The following SMC3 variants were observed in gnomAD, a reference collection of about 807,000 sequenced individuals.
SMC3 encodes structural maintenance of chromosomes protein 3.
In SMC3, 20 loss-of-function variants were observed where a neutral mutation model predicts 171.8. That is an observed-to-expected ratio of 0.12 (90% confidence interval 0.08 to 0.17). The LOEUF (loss-of-function observed/expected upper bound fraction) is 0.17. Among genes scored for constraint, SMC3 ranks in the 10% least tolerant of loss-of-function variants. The pLI is 1.00. For synonymous variants in SMC3, 464 were observed against 451.1 expected, an observed-to-expected ratio of 1.03 and a Z score of -0.36; for missense variants, 543 against 1,420.4, an observed-to-expected ratio of 0.38 and a Z score of 9.93.
In SMC3 at chr10:110,593,231, A is replaced by G. The variant is rs1861235838; in HGVS notation, c.1963+8A>G. 2 of 1,613,494 alleles carry G rather than the reference A, an allele frequency of 1.2e-6. No homozygotes were observed. Among genetic ancestry groups the G allele is most frequent in the Non-Finnish European group, 8.5e-7 (1 of 1,179,386 alleles). On this transcript the variant is annotated splice_region_variant and intron_variant, in intron 18 of 28. Transcript: ENST00000361804. ...ACTGTATTACTTTGGAAGGTTTGTA[A>G]TACTAATTCTTAGCTTTAAACAGAT...
chr10:110,605,782 A>C lies in SMC3; in HGVS notation c.*1480A>C, dbSNP rs1441662566. The stretch of plus-strand genomic sequence containing the variant: ...CATTTTTCTTACACATTTACCCAAG[A>C]ATTTTTCTCAAACAACTACCTAAGA... On this transcript the variant is annotated 3_prime_UTR_variant, in exon 29 of 29. Coordinates refer to ENST00000361804, the MANE Select transcript of SMC3 (RefSeq NM_005445.4). Among the ~76,000 whole-genome samples the C allele has an allele frequency of 1.3e-5, 2 of 152,152 alleles. No individual in the cohort carries two copies. The highest frequency in any genetic ancestry group is 2.9e-5 in the Non-Finnish European group (2 of 68,018).
intron 13 of SMC3, among the ~76,000 whole-genome samples, chr10:110,586,486 A>G (rs1454582415): frequency 6.6e-6 from 1 of 152,218 alleles, no homozygotes; most frequent in East Asian, 1.9e-4. Context: ...AACCAACCTC[A>G]GCAGATGCCC....
chr10:110,568,951 G>A lies in SMC3; in HGVS notation c.29G>A (p.Gly10Asp). 1 of 1,601,424 alleles carries A rather than the reference G, an allele frequency of 6.2e-7. No individual in the cohort carries two copies. Reference protein sequence around the residue: MYIKQVIIQGFRSYRDQTIV... With the variant: MYIKQVIIQDFRSYRDQTIV... ...TTTATTTACTAGGTGATTATCCAGG[G>A]TTTTCGAAGTTACAGAGATCAAACA... The change falls in exon 2 of 29, where the codon GGT becomes GAT. Residue 10 changes from glycine to aspartate, a missense_variant. This residue lies in a region of SMC3 where 146 missense variants were observed against 437.9 expected (regional missense o/e 0.33). Transcript: ENST00000361804.
At chr10:110,578,467 T>C (rs1432197375) in intron 6 of SMC3, among the ~76,000 whole-genome samples, 161 bp from the exon 7 acceptor site, 1 of 152,216 alleles carries the variant, frequency 6.6e-6, no homozygotes, top group African/African-American at 2.4e-5. Context: ...AGTCAACATA[T>C]AGAGGATAAA....
Position 110,598,242 on chromosome 10 carries a change from G to A in SMC3, c.2220G>A (p.Lys740=). ...GAGATAGCATATTATCAGAAATGAAGATGCTAAAAGAGAAGAGGCAGCAGT... is the reference window on the plus strand; with the variant it reads ...GAGATAGCATATTATCAGAAATGAAAATGCTAAAAGAGAAGAGGCAGCAGT... ...ASRDSILSEM[K]MLKEKRQQSE... The change falls in exon 20 of 29, where the codon AAG becomes AAA. Residue 740 remains lysine (K), a synonymous_variant. Transcript: ENST00000361804. 1 of 1,613,918 alleles carries A rather than the reference G, an allele frequency of 6.2e-7. No homozygotes were observed. Among genetic ancestry groups the A allele is most frequent in the Non-Finnish European group, 8.5e-7 (1 of 1,179,878 alleles).
In SMC3 at chr10:110,569,247, T is replaced by C. The variant is rs192765895; in HGVS notation, c.91+234T>C. ...TCCATTTTTTATCTAGGTAGCCTTG[T>C]ATGTGTGTGTAAGAGTGTTTTAAAG... On this transcript the variant is annotated intron_variant, in intron 2 of 28. Transcript: ENST00000361804. 4.1e-3 allele frequency among the ~76,000 whole-genome samples: 617 copies of C among 152,344 alleles called. 4 individuals carry two copies. Among genetic ancestry groups the C allele is most frequent in the South Asian group, 0.035 (169 of 4,832 alleles).
At chr10:110,599,892 A>G (rs1026749006) in intron 21 of SMC3, 80 bp downstream of exon 21, 18 of 1,252,624 alleles carry the variant, frequency 1.4e-5, no homozygotes, top group Non-Finnish European at 1.9e-5. Context: ...AACTAGGGCA[A>G]TATGAAAGAA....
chr10:110,588,975 A>G lies in SMC3; in HGVS notation c.1306-630A>G, dbSNP rs1861165877. On this transcript the variant is annotated intron_variant, in intron 13 of 28. Transcript: ENST00000361804. ...TTTCTAAAATTCTGGAGTGTATATT[A>G]TAGAAATAGGAAGATTTAGATCACT... Among the ~76,000 whole-genome samples the G allele has an allele frequency of 3.3e-5, 5 of 152,320 alleles. No homozygotes were observed. The South Asian group carries it at 1.0e-3, about 32-fold the overall frequency.
intron 3 of SMC3, among the ~76,000 whole-genome samples, chr10:110,574,589 G>C (rs1443115429): frequency 1.3e-5 from 2 of 152,174 alleles, no homozygotes; most frequent in African/African-American, 4.8e-5. Context: ...AAGTATTTCA[G>C]AATCTCCAGG....
At chr10:110,577,043 T>C (rs1020807929) in intron 4 of SMC3, among the ~76,000 whole-genome samples, 3 of 152,138 alleles carry the variant, frequency 2.0e-5, no homozygotes, top group Non-Finnish European at 4.4e-5. Context: ...GAGTTAAATG[T>C]CCCCAGTCTT....
chr10:110,571,735 C>T (rs542231318), intron 2 of SMC3, among the ~76,000 whole-genome samples: 3 of 151,898 alleles, frequency 2.0e-5, no homozygotes, highest in Admixed American at 2.0e-4. Flanking sequence ...TACCTCAGTA[C>T]GTTTTTAGTC....
At chr10:110,581,410 G>C (rs916848570) in intron 8 of SMC3, among the ~76,000 whole-genome samples, 2 of 151,798 alleles carry the variant, frequency 1.3e-5, no homozygotes, top group African/African-American at 4.8e-5. Context: ...GTAGAGACAG[G>C]GTTTCACCAT....
At position 110,593,190 on chromosome 10, in the gene SMC3, C is replaced by T. The variant is rs868792707; in HGVS notation, c.1930C>T (p.Arg644Cys). 1.2e-6 allele frequency: 2 copies of T among 1,614,112 alleles called. No individual in the cohort carries two copies. The highest frequency in any genetic ancestry group is 2.2e-5 in the East Asian group (1 of 44,876). The change falls in exon 18 of 29, where the codon CGT becomes TGT. Residue 644 changes from arginine to cysteine, a missense_variant. Around this residue, in one of 8 missense-constraint regions of SMC3, gnomAD observed 218 missense variants for 509.6 expected, o/e 0.43. Coordinates refer to ENST00000361804, the MANE Select transcript of SMC3 (RefSeq NM_005445.4). The part of the protein sequence containing the change: ...RSMEVSTQLA[R>C]AFTMDCITLE... ...CATGGAAGTTTCAACCCAGCTGGCC[C>T]GTGCTTTCACTATGGACTGTATTAC...
chr10:110,578,594 T>G (rs1406781302), intron 6 of SMC3, 34 bp from the exon 7 acceptor site: 1 of 1,506,982 alleles, frequency 6.6e-7, no homozygotes, highest in Admixed American at 1.8e-5. Context: ...TTTAAAATTA[T>G]TTATCGGAAA....
intron 26 of SMC3, 29 bp downstream of exon 26, chr10:110,602,694 C>G (rs373606531): frequency 3.8e-6 from 6 of 1,590,290 alleles, no homozygotes; most frequent in Non-Finnish European, 4.3e-6. Flanking sequence ...CCATTTTCCT[C>G]AGAGCATTAC....
rs759736775 is a variant in SMC3 at position 110,589,650 on chromosome 10, C to T, written c.1351C>T (p.Leu451=). Residue 451 remains leucine (L), a synonymous_variant, in exon 14 of 29, where the codon CTG becomes TTG. Transcript: ENST00000361804. ...LNEVKARVEE[L]DRKYYEVKNK... is the part of the protein sequence containing the mutation. ...TGAAGTCAAAGCTCGAGTAGAAGAA[C>T]TGGACAGAAAATATTACGAAGTAAA... 6 of 1,611,052 alleles carry T rather than the reference C, an allele frequency of 3.7e-6. No individual in the cohort carries two copies. The highest frequency in any genetic ancestry group is 1.3e-5 in the African/African-American group (1 of 74,808).
intron 13 of SMC3, among the ~76,000 whole-genome samples, chr10:110,585,571 G>A (rs1590558079): frequency 6.6e-6 from 1 of 150,922 alleles, no homozygotes; most frequent in South Asian, 2.1e-4. Context: ...TTGCAGGCGT[G>A]AGCCACCATG....
At chr10:110,589,570 G>A (rs1385895723) in intron 13 of SMC3, 35 bp from the exon 14 acceptor site, 1 of 1,394,044 alleles carries the variant, frequency 7.2e-7, no homozygotes, top group East Asian at 2.4e-5. Flanking sequence ...TTAGTTTCAT[G>A]AAATTGAATT....
At position 110,577,477 on chromosome 10, in the gene SMC3, A is replaced by T. The variant is rs146433240; in HGVS notation, c.255A>T (p.Ser85=). ...SAFVEIIFDN[S]DNRLPIDKEE... ...TTGTGGAGATTATTTTTGATAATTCAGACAACCGGTTACCAGTAAGTAACT... is the reference window on the plus strand; with the variant it reads ...TTGTGGAGATTATTTTTGATAATTCTGACAACCGGTTACCAGTAAGTAACT... Residue 85 remains serine, a synonymous_variant, in exon 5 of 29, where the codon TCA becomes TCT. Transcript: ENST00000361804. 26 of 1,610,888 alleles carry T rather than the reference A, an allele frequency of 1.6e-5. No individual in the cohort carries two copies. Among genetic ancestry groups the T allele is most frequent in the Middle Eastern group, 1.6e-4 (1 of 6,070 alleles).
Sources: gnomAD v4.1 joint callset for allele counts (sites outside exome capture counted in the v4.1 genomes callset) on GRCh38, gnomAD v4.1.1 for gene constraint, gnomAD v4.1.1 regional missense constraint, MANE v1.5 for transcripts, NCBI Gene and HGNC (gene_info 2026-07-23, HGNC 2026-07-21) for gene names.